The following SLC44A5 variants were observed in gnomAD, a reference collection of about 807,000 sequenced individuals.
SLC44A5 encodes the protein choline transporter-like protein 5.
SLC44A5 carries 57 observed loss-of-function variants against 101.8 expected under a neutral mutation model. The ratio of observed to expected loss-of-function variants is 0.56; its 90% CI spans 0.45 to 0.70. The LOEUF (loss-of-function observed/expected upper bound fraction) is 0.70, where lower values mean the gene tolerates loss of function less well. Among genes scored for constraint, SLC44A5 ranks in the 30% least tolerant of loss-of-function variants. The probability of loss-of-function intolerance (pLI) is 0.00; values close to 1 mark genes in which losing one functional copy is unlikely to be tolerated. For missense variants in SLC44A5, 737 were observed against 853.1 expected (o/e 0.86, Z 1.70); for synonymous variants, 281 against 290.9 (o/e 0.97, Z 0.35).
chr1:75,543,363 G>T (rs1036938982), intron 1 of SLC44A5, among the ~76,000 whole-genome samples: 1 of 152,028 alleles, frequency 6.6e-6, no homozygotes, highest in Non-Finnish European at 1.5e-5. Context: ...CAAGTGGAAA[G>T]CTTGTGTGCC....
At chr1:75,408,823 G>T (rs1243840692) in intron 2 of SLC44A5, among the ~76,000 whole-genome samples, 1 of 152,016 alleles carries the variant, frequency 6.6e-6, no homozygotes, top group East Asian at 1.9e-4. Flanking sequence ...AAACCTGCAC[G>T]TTTTGCACAT....
the SLC44A5 span, among the ~76,000 whole-genome samples, chr1:75,693,153 A>T: frequency 6.6e-6 from 1 of 152,190 alleles, no homozygotes; most frequent in Non-Finnish European, 1.5e-5. Flanking sequence ...TGGAAAGATA[A>T]TTACAGTGAA....
chr1:75,715,716 C>A, the SLC44A5 span, among the ~76,000 whole-genome samples: 3 of 152,224 alleles, frequency 2.0e-5, no homozygotes, highest in African/African-American at 7.2e-5. Context: ...TAGGAAATAC[C>A]ATTCTGGACA....
chr1:75,444,798 G>C (rs906721453), intron 2 of SLC44A5, among the ~76,000 whole-genome samples: 1 of 152,098 alleles, frequency 6.6e-6, no homozygotes, highest in African/African-American at 2.4e-5. Flanking sequence ...TGGGAAGGCA[G>C]ATTAGACACA....
At chr1:75,529,905 C>G (rs573008033) in intron 2 of SLC44A5, among the ~76,000 whole-genome samples, 88 of 152,148 alleles carry the variant, frequency 5.8e-4, no homozygotes, top group Middle Eastern at 3.4e-3. Flanking sequence ...GTGGAGGGTA[C>G]AGTAAAGGGA....
the SLC44A5 span, among the ~76,000 whole-genome samples, chr1:75,683,632 G>T: frequency 1.3e-5 from 2 of 152,148 alleles, no homozygotes; most frequent in East Asian, 3.9e-4. Context: ...GGGAGGGATA[G>T]CATTGGGAGA....
intron 6 of SLC44A5, among the ~76,000 whole-genome samples, chr1:75,254,716 C>T (rs1390273284): frequency 6.6e-6 from 1 of 152,034 alleles, no homozygotes; most frequent in Non-Finnish European, 1.5e-5. Context: ...GAGGGTGGGA[C>T]AGAATTTGCC....
chr1:75,539,045 C>T (rs112947428), intron 2 of SLC44A5, among the ~76,000 whole-genome samples: 39 of 152,288 alleles, frequency 2.6e-4, no homozygotes, highest in African/African-American at 8.9e-4. Flanking sequence ...CAAAGAGTAA[C>T]AGCTGTCACT....
At chr1:75,358,368 T>C (rs1659234581) in intron 3 of SLC44A5, among the ~76,000 whole-genome samples, 1 of 152,240 alleles carries the variant, frequency 6.6e-6, no homozygotes, top group Non-Finnish European at 1.5e-5. Flanking sequence ...ATACTTTATA[T>C]ATTTAAGACT....
intron 5 of SLC44A5, among the ~76,000 whole-genome samples, chr1:75,288,491 T>A (rs1206873365): frequency 6.6e-6 from 1 of 152,240 alleles, no homozygotes; most frequent in Non-Finnish European, 1.5e-5. Flanking sequence ...ATGAATGATA[T>A]AGGCACACAT....
intron 3 of SLC44A5, among the ~76,000 whole-genome samples, chr1:75,357,986 G>C (rs1448675451): frequency 6.8e-6 from 1 of 147,188 alleles, no homozygotes; most frequent in Non-Finnish European, 1.5e-5. Flanking sequence ...CTAGTTCTGT[G>C]CTTCTTCAAT....
intron 2 of SLC44A5, among the ~76,000 whole-genome samples, chr1:75,524,746 T>G (rs924633840): frequency 1.3e-5 from 2 of 152,126 alleles, no homozygotes; most frequent in Non-Finnish European, 2.9e-5. Context: ...CATTGTAAAG[T>G]GTTAATAATG....
chr1:75,624,346 A>G, the SLC44A5 span, among the ~76,000 whole-genome samples: 1 of 152,208 alleles, frequency 6.6e-6, no homozygotes, highest in Admixed American at 6.5e-5. Flanking sequence ...GCCCAATGTA[A>G]TAACTATGAA....
At chr1:75,243,079 G>C (rs1327590652) in intron 7 of SLC44A5, 68 bp from the exon 8 acceptor site, 21 of 1,495,830 alleles carry the variant, frequency 1.4e-5, no homozygotes, top group Non-Finnish European at 1.8e-5. Flanking sequence ...TATAAAGCTA[G>C]ACTTCTAAAT....
chr1:75,353,805 C>A (rs1658866210), intron 3 of SLC44A5, among the ~76,000 whole-genome samples: 2 of 152,224 alleles, frequency 1.3e-5, no homozygotes, highest in South Asian at 2.1e-4. Context: ...AATATGTACA[C>A]TTCTAAGCAA....
the SLC44A5 span, among the ~76,000 whole-genome samples, chr1:75,657,840 T>C: frequency 6.6e-6 from 1 of 152,072 alleles, no homozygotes; most frequent in African/African-American, 2.4e-5. Flanking sequence ...GACTTCACTG[T>C]CCCTCTATTA....
At chr1:75,395,856 T>C (rs1482711317) in intron 3 of SLC44A5, among the ~76,000 whole-genome samples, 6 of 152,192 alleles carry the variant, frequency 3.9e-5, no homozygotes, top group Non-Finnish European at 8.8e-5. Context: ...TCACCACATA[T>C]ATAATAATCT....
At chr1:75,621,916 G>T in the SLC44A5 span, among the ~76,000 whole-genome samples, 2 of 151,962 alleles carry the variant, frequency 1.3e-5, no homozygotes, top group Non-Finnish European at 2.9e-5. Flanking sequence ...ATGAAGGGGC[G>T]GAGAAACTGA....
chr1:75,520,085 T>C (rs1670036894), intron 2 of SLC44A5, among the ~76,000 whole-genome samples: 1 of 152,258 alleles, frequency 6.6e-6, no homozygotes, highest in African/African-American at 2.4e-5. Context: ...AGTTTCAATC[T>C]CTTAAGCAAA....
Sources: gnomAD v4.1 joint callset for allele counts (sites outside exome capture counted in the v4.1 genomes callset) on GRCh38, gnomAD v4.1.1 for gene constraint, MANE v1.5 for transcripts, NCBI Gene and HGNC (gene_info 2026-07-23, HGNC 2026-07-21) for gene names.